CTNNA3: variants seen among roughly 807,000 people sequenced by gnomAD.
The protein encoded by CTNNA3 is catenin alpha-3.
CTNNA3 carries 76 observed loss-of-function variants against 95.7 expected under a neutral mutation model. The observed-to-expected ratio is 0.79, with a 90% CI of 0.66 to 0.96. The LOEUF (loss-of-function observed/expected upper bound fraction) is 0.96. Ranked by LOEUF, CTNNA3 falls within the 40% of genes least tolerant of loss-of-function variation. CTNNA3 has a pLI of 0.00. For missense variants in CTNNA3, 1,191 were observed against 1,089.8 expected (o/e 1.09, Z -1.31); for synonymous variants, 431 against 374.4 (o/e 1.15, Z -1.74).
chr10:66,019,088 A>G (rs549295531), intron 15 of CTNNA3, among the ~76,000 whole-genome samples: 1 of 152,254 alleles, frequency 6.6e-6, no homozygotes, highest in Non-Finnish European at 1.5e-5. Flanking sequence ...TGAAAATGTC[A>G]TATGTTATCT....
In CTNNA3 at chr10:67,072,513, G is replaced by A. The variant is rs1856521359; in HGVS notation, c.1047+107804C>T. Among the ~76,000 whole-genome samples the A allele has an allele frequency of 2.6e-5, 4 of 152,150 alleles. No individual in the cohort carries two copies. In the South Asian group the frequency reaches 8.3e-4, roughly 32 times the overall value. Reference sequence around the variant, plus strand: ...CCAAACGATATCTTCCACCAGAGCAGGTTTCTCACTTTCGATATTAAGCAG... The same window carrying A: ...CCAAACGATATCTTCCACCAGAGCAAGTTTCTCACTTTCGATATTAAGCAG... On this transcript the variant is annotated intron_variant, in intron 7 of 17. Coordinates refer to ENST00000433211, the MANE Select transcript of CTNNA3 (RefSeq NM_013266.4).
chr10:67,214,871 G>A (rs1864286057), intron 6 of CTNNA3, among the ~76,000 whole-genome samples: 1 of 151,468 alleles, frequency 6.6e-6, no homozygotes, highest in Non-Finnish European at 1.5e-5. Context: ...TATTCTTTTG[G>A]TCTTTGGCGT....
chr10:65,925,924 T>G (rs1329742607), intron 17 of CTNNA3, among the ~76,000 whole-genome samples: 2 of 151,730 alleles, frequency 1.3e-5, no homozygotes, highest in Non-Finnish European at 2.9e-5. Flanking sequence ...TGCTTCCCCT[T>G]TATATATATG....
intron 13 of CTNNA3, among the ~76,000 whole-genome samples, chr10:66,178,423 A>G (rs1459241850): frequency 2.1e-5 from 2 of 97,320 alleles, no homozygotes; most frequent in African/African-American, 6.7e-5. Flanking sequence ...ATATATATAT[A>G]TATATATATA....
chr10:66,560,268 A>T (rs1842512102), intron 10 of CTNNA3, among the ~76,000 whole-genome samples: 1 of 151,074 alleles, frequency 6.6e-6, no homozygotes, highest in Non-Finnish European at 1.5e-5. Context: ...GGAGATAGAA[A>T]CGTGAGCGAA....
intron 1 of CTNNA3, among the ~76,000 whole-genome samples, chr10:67,718,753 C>G (rs539895811): frequency 6.6e-6 from 1 of 152,042 alleles, no homozygotes; most frequent in Non-Finnish European, 1.5e-5. Context: ...GGGATGTTGG[C>G]CTGAAATTTT....
intron 6 of CTNNA3, among the ~76,000 whole-genome samples, chr10:67,206,740 TTCTAGAA>T (rs974611012): frequency 1.3e-5 from 2 of 151,408 alleles, no homozygotes; most frequent in South Asian, 2.1e-4. Flanking sequence ...AGAATCTAGA[TTCTAGAA>T]TCTAGAATCA....
chr10:67,297,103 ACT>A (rs1453776005), intron 5 of CTNNA3, among the ~76,000 whole-genome samples: 5 of 152,036 alleles, frequency 3.3e-5, no homozygotes, highest in Non-Finnish European at 5.9e-5. Flanking sequence ...TTGTACGTGG[ACT>A]CTCTGACCAA....
At position 66,520,688 on chromosome 10, in the gene CTNNA3, T is replaced by G. The variant is rs1589369924; in HGVS notation, c.1460A>C (p.Glu487Ala). 6.2e-7 allele frequency: 1 copy of G among 1,612,242 alleles called. No homozygotes were observed. Among genetic ancestry groups the G allele is most frequent in the African/African-American group, 1.3e-5 (1 of 74,918 alleles). ...NTMEMYKRTW[E>A]NHIHVLTEAV... ...TTCAGTGAGGACATGTATATGATTC[T>G]CCCATGTACGCTTGTACATTTCCAT... is the stretch of plus-strand genomic sequence containing the variant. Residue 487 changes from glutamate to alanine, a missense_variant, in exon 11 of 18, where the codon GAG becomes GCG. By Grantham distance (107) the Glu-to-Ala change is moderately radical. Transcript: ENST00000433211.
At chr10:65,957,167 T>A (rs1301734613) in intron 17 of CTNNA3, among the ~76,000 whole-genome samples, 1 of 152,176 alleles carries the variant, frequency 6.6e-6, no homozygotes, top group Non-Finnish European at 1.5e-5. Context: ...TCTTTTTATC[T>A]TTGTTTGGTT....
intron 5 of CTNNA3, among the ~76,000 whole-genome samples, chr10:67,233,214 T>C (rs1414759319): frequency 1.3e-5 from 2 of 152,132 alleles, no homozygotes; most frequent in African/African-American, 2.4e-5. Context: ...ATACATTTTT[T>C]TCAGCACCAC....
At chr10:66,739,143 T>A (rs1456947231) in intron 9 of CTNNA3, among the ~76,000 whole-genome samples, 1 of 152,154 alleles carries the variant, frequency 6.6e-6, no homozygotes, top group Non-Finnish European at 1.5e-5. Context: ...ATGAAAGACA[T>A]CTCCCACCCA....
At chr10:66,556,307 T>G (rs544301359) in intron 10 of CTNNA3, among the ~76,000 whole-genome samples, 1 of 152,026 alleles carries the variant, frequency 6.6e-6, no homozygotes, top group East Asian at 1.9e-4. Context: ...AATATGGAAG[T>G]TCATCAAAAA....
chr10:67,697,644 T>G (rs2133599466), upstream of CTNNA3, among the ~76,000 whole-genome samples: 1 of 152,306 alleles, frequency 6.6e-6, no homozygotes. Flanking sequence ...ACTGAACTCT[T>G]CAGAGATGCA....
intron 10 of CTNNA3, among the ~76,000 whole-genome samples, chr10:66,616,185 C>T (rs1219274871): frequency 6.6e-6 from 1 of 151,908 alleles, no homozygotes; most frequent in Non-Finnish European, 1.5e-5. Flanking sequence ...GCTTCTAGAC[C>T]CACTTTTCAC....
intron 5 of CTNNA3, among the ~76,000 whole-genome samples, chr10:67,373,303 A>C (rs540008411): frequency 6.6e-6 from 1 of 152,234 alleles, no homozygotes; most frequent in African/African-American, 2.4e-5. Flanking sequence ...TGGAAAACAA[A>C]AAAAAGGCAG....
At chr10:66,452,257 A>ACTGTATTT (rs1355113644) in intron 11 of CTNNA3, among the ~76,000 whole-genome samples, 2 of 152,108 alleles carry the variant, frequency 1.3e-5, no homozygotes, top group Non-Finnish European at 2.9e-5. Context: ...TATTTCGTGT[A>ACTGTATTT]CTGTATTTTT....
chr10:66,865,833 A>G (rs1200240029), intron 7 of CTNNA3, among the ~76,000 whole-genome samples: 1 of 152,246 alleles, frequency 6.6e-6, no homozygotes, highest in East Asian at 1.9e-4. Flanking sequence ...ATTAAAATAC[A>G]CCATAAGTTG....
chr10:66,967,689 C>T (rs1243331523), intron 7 of CTNNA3, among the ~76,000 whole-genome samples: 4 of 151,938 alleles, frequency 2.6e-5, no homozygotes, highest in African/African-American at 7.2e-5. Flanking sequence ...TAAAAATGAA[C>T]GTTCTAAAAA....
Sources: allele counts gnomAD v4.1 joint callset (sites outside exome capture counted in the v4.1 genomes callset), GRCh38; gene constraint gnomAD v4.1.1; transcripts MANE v1.5; gene names NCBI Gene and HGNC (gene_info 2026-07-23, HGNC 2026-07-21).